HSH2D: variants seen among roughly 807,000 people sequenced by gnomAD.
HSH2D encodes the protein hematopoietic SH2 domain-containing protein.
HSH2D carries 16 observed loss-of-function variants against 21.5 expected under a neutral mutation model. The ratio of observed to expected loss-of-function variants is 0.74; its 90% CI spans 0.50 to 1.13. The LOEUF (loss-of-function observed/expected upper bound fraction) is 1.13, where lower values mean the gene tolerates loss of function less well. Ranked by LOEUF, HSH2D falls within the 50% of genes most tolerant of loss-of-function variation. The pLI is 0.00. For synonymous variants in HSH2D, 172 were observed against 184.7 expected, an observed-to-expected ratio of 0.93 and a Z score of 0.56; for missense variants, 418 against 441.4, an observed-to-expected ratio of 0.95 and a Z score of 0.47.
chr19:16,145,495 G>C (rs773671509), intron 1 of HSH2D, among the ~76,000 whole-genome samples: 8 of 152,168 alleles, frequency 5.3e-5, no homozygotes, highest in Non-Finnish European at 8.8e-5. Flanking sequence ...TTACAGGTGT[G>C]AGCTACTGCA....
At chr19:16,148,956 A>G in intron 2 of HSH2D, 81 bp downstream of exon 2, 1 of 1,442,134 alleles carries the variant, frequency 6.9e-7, no homozygotes, top group Non-Finnish European at 9.4e-7. Flanking sequence ...TTTTAACTGC[A>G]GAATTCTGGA....
At chr19:16,152,175 T>A (rs531423602) in intron 2 of HSH2D, among the ~76,000 whole-genome samples, 1 of 148,172 alleles carries the variant, frequency 6.7e-6, no homozygotes, top group African/African-American at 2.5e-5. Context: ...CCCAGCACTT[T>A]GGGAGGCCGA....
chr19:16,151,989 C>G (rs1448692883), intron 2 of HSH2D, among the ~76,000 whole-genome samples: 2 of 149,990 alleles, frequency 1.3e-5, no homozygotes, highest in Admixed American at 6.7e-5. Flanking sequence ...CGCCTGTAAT[C>G]CCCGCTACTC....
Position 16,152,587 on chromosome 19 carries a change from G to T in HSH2D, c.161G>T (p.Gly54Val). Residue 54 changes from glycine to valine, a missense_variant, in exon 3 of 6, where the codon GGA becomes GTA. By Grantham distance (109) the Gly-to-Val change is moderately radical (BLOSUM62 -3). Transcript: ENST00000613986. ...AACTTGCTGGAGTCACAGCCACTGG[G>T]ATCCTTTCTCATCAGGGTCAGTCAC... Reference protein sequence around the residue: ...AENLLESQPLGSFLIRVSHSH... With the variant: ...AENLLESQPLVSFLIRVSHSH... 1 of 1,510,796 alleles carries T rather than the reference G, an allele frequency of 6.6e-7. No individual in the cohort carries two copies. The allele number at this position is 1,510,796 out of a possible 1,614,324, so 93.6% of individuals were successfully genotyped here. A position where few individuals can be genotyped will look rare whatever the true frequency, so the allele number is the denominator to read the frequency against.
Position 16,157,865 on chromosome 19 carries a change from T to G in HSH2D, c.*71T>G. 7.9e-6 allele frequency: 9 copies of G among 1,145,458 alleles called. No individual in the cohort carries two copies. Among genetic ancestry groups the G allele is most frequent in the Non-Finnish European group, 1.1e-5 (9 of 826,934 alleles). 71.0% of individuals were successfully genotyped at this position (1,145,458 alleles called of 1,614,324 possible). A position where few individuals can be genotyped will look rare whatever the true frequency, so the allele number is the denominator to read the frequency against. On this transcript the variant is annotated 3_prime_UTR_variant, in exon 6 of 6. Transcript: ENST00000613986. The surrounding 1 kb of genome is among the most constrained non-coding windows in gnomAD (Gnocchi z 4.4). The stretch of plus-strand genomic sequence containing the variant: ...ACACTCCTGAATGCCTTAACATTTC[T>G]TCCATGGCCCCACACCATGGCATCC...
Position 16,157,318 on chromosome 19 carries a change from C to G in HSH2D, c.583C>G (p.Pro195Ala). Residue 195 changes from proline (P) to alanine (A), a missense_variant, in exon 6 of 6, where the codon CCT (proline) becomes GCT (alanine). Transcript: ENST00000613986. The surrounding 1 kb of genome is among the most constrained non-coding windows in gnomAD (Gnocchi z 4.4). The stretch of plus-strand genomic sequence containing the variant: ...CACTTCCTCCTGCCCCCCAAAATCC[C>G]CTCTTGGAGAGACCCGCCAGAAACT... ...EATSSCPPKS[P>A]LGETRQKLWR... is the part of the protein sequence containing the mutation. 1 of 1,613,318 alleles carries G rather than the reference C, an allele frequency of 6.2e-7. No individual in the cohort carries two copies. The highest frequency in any genetic ancestry group is 8.5e-7 in the Non-Finnish European group (1 of 1,179,684).
At chr19:16,154,601 A>G in intron 5 of HSH2D, 110 bp downstream of exon 5, 1 of 621,348 alleles carries the variant, frequency 1.6e-6, no homozygotes, top group East Asian at 2.9e-5. Context: ...GCGATCCTAC[A>G]GCTTGGTGCT....
intron 2 of HSH2D, 40 bp downstream of exon 2, chr19:16,148,915 C>CCTGT (rs754023020): frequency 6.4e-7 from 1 of 1,573,128 alleles, no homozygotes; most frequent in South Asian, 1.2e-5. Context: ...CCCTCCCCAC[C>CCTGT]CTGTCCTTGT....
Position 16,148,816 on chromosome 19 carries a change from G to C in HSH2D, c.66G>C (p.Gln22His). 2 of 1,613,802 alleles carry C rather than the reference G, an allele frequency of 1.2e-6. No individual in the cohort carries two copies. Among genetic ancestry groups the C allele is most frequent in the Non-Finnish European group, 1.7e-6 (2 of 1,179,818 alleles). ...PPRLDWFVHT[Q>H]MGQLAQDGVP... ...GGCTGGACTGGTTTGTGCACACCCA[G>C]ATGGGCCAGCTGGCCCAAGACGGGG... Residue 22 changes from glutamine to histidine, a missense_variant, in exon 2 of 6, where the codon CAG becomes CAC. Physicochemically the swap from Gln to His is conservative, Grantham distance 24. Coordinates refer to ENST00000613986, the MANE Select transcript of HSH2D (RefSeq NM_001382417.1).
chr19:16,136,259 CG>C (rs2090963400), intron 1 of HSH2D, among the ~76,000 whole-genome samples: 1 of 152,176 alleles, frequency 6.6e-6, no homozygotes, highest in African/African-American at 2.4e-5. Context: ...TTTCTTTCCA[CG>C]AAACTTTGCA....
At chr19:16,151,089 C>T (rs536001524) in intron 2 of HSH2D, among the ~76,000 whole-genome samples, 78 of 151,902 alleles carry the variant, frequency 5.1e-4, no homozygotes, top group Non-Finnish European at 5.9e-4. Flanking sequence ...TTTGGGAGGC[C>T]GAGGCGGGCG....
At chr19:16,145,028 T>A (rs2091047832) in intron 1 of HSH2D, among the ~76,000 whole-genome samples, 1 of 144,236 alleles carries the variant, frequency 6.9e-6, no homozygotes, top group South Asian at 2.1e-4. Context: ...GATGGGTTTT[T>A]TTTTTGGGGT....
Position 16,145,033 on chromosome 19 carries a change from T to TG in HSH2D, c.-28+1263dup, listed in dbSNP as rs200686905. 1.3e-3 allele frequency among the ~76,000 whole-genome samples: 177 copies of TG among 131,944 alleles called. 2 individuals carry two copies. The highest frequency in any genetic ancestry group is 4.0e-3 in the African/African-American group (131 of 32,896). The allele number at this position is 131,944 out of a possible 152,430, so 86.6% of individuals were successfully genotyped here. A position where few individuals can be genotyped will look rare whatever the true frequency, so the allele number is the denominator to read the frequency against. ...TGTTGGTGGTGATGGGTTTTTTTTTTGGGGTTTTTTTTTTTTTTTTTGTGA... is the reference window on the plus strand; with the variant it reads ...TGTTGGTGGTGATGGGTTTTTTTTTTGGGGGTTTTTTTTTTTTTTTTTGTGA... On this transcript the variant is annotated intron_variant, in intron 1 of 5. Coordinates refer to ENST00000613986, the MANE Select transcript of HSH2D (RefSeq NM_001382417.1).
At position 16,148,872 on chromosome 19, in the gene HSH2D, G is replaced by T; in HGVS notation, c.122G>T (p.Arg41Ile). 6.2e-7 allele frequency: 1 copy of T among 1,611,908 alleles called. No homozygotes were observed. The highest frequency in any genetic ancestry group is 8.5e-7 in the Non-Finnish European group (1 of 1,178,814). ...VPEWFHGAISREDAENLLESQ... is the reference protein window; with the variant it reads ...VPEWFHGAISIEDAENLLESQ... Reference sequence around the variant, plus strand: ...GAGTGGTTCCATGGTGCAATCTCAAGAGAGTGAGGACACACCCACACCCTC... The same window carrying T: ...GAGTGGTTCCATGGTGCAATCTCAATAGAGTGAGGACACACCCACACCCTC... Residue 41 changes from arginine to isoleucine, a missense_variant, in exon 2 of 6, where the codon AGA becomes ATA. Coordinates refer to ENST00000613986, the MANE Select transcript of HSH2D (RefSeq NM_001382417.1).
At chr19:16,152,792 G>C (rs2091176730) in intron 3 of HSH2D, 151 bp downstream of exon 3, 1 of 766,488 alleles carries the variant, frequency 1.3e-6, no homozygotes, top group East Asian at 2.7e-5. Context: ...CAAGCAATGA[G>C]TGAAGCTTTT....
At chr19:16,144,353 G>T (rs557464367) in intron 1 of HSH2D, among the ~76,000 whole-genome samples, 1 of 151,994 alleles carries the variant, frequency 6.6e-6, no homozygotes, top group South Asian at 2.1e-4. Context: ...GTGCCAGGGT[G>T]TTGTCTGGGG....
intron 1 of HSH2D, among the ~76,000 whole-genome samples, chr19:16,145,037 G>GTTT (rs34993884): frequency 7.5e-5 from 9 of 119,434 alleles, no homozygotes; most frequent in Non-Finnish European, 1.0e-4. Context: ...TTTTTTTGGG[G>GTTT]TTTTTTTTTT....
chr19:16,142,610 T>C (rs1461845740), upstream of HSH2D, among the ~76,000 whole-genome samples: 13 of 151,524 alleles, frequency 8.6e-5, no homozygotes, highest in Non-Finnish European at 4.4e-5. Context: ...ATTACAGGCA[T>C]GTGTCACCAC....
At position 16,152,633 on chromosome 19, in the gene HSH2D, C is replaced by A; in HGVS notation, c.207C>A (p.Leu69=). The change falls in exon 3 of 6, where the codon CTC becomes CTA. Residue 69 remains leucine (L), a synonymous_variant. Transcript: ENST00000613986. ...GTCACAGCCATGTGGGCTACACACT[C>A]TCCTACAAGTAAGGCCTGGGCCGGG... ...RVSHSHVGYT[L]SYKAQSSCCH... 6.5e-7 allele frequency: 1 copy of A among 1,539,730 alleles called. No homozygotes were observed. The highest frequency in any genetic ancestry group is 2.3e-5 in the East Asian group (1 of 44,040).
Sources: allele counts gnomAD v4.1 joint callset (sites outside exome capture counted in the v4.1 genomes callset), GRCh38; gene constraint gnomAD v4.1.1; non-coding constraint Gnocchi (gnomAD v3.1); transcripts MANE v1.5; gene names NCBI Gene and HGNC (gene_info 2026-07-23, HGNC 2026-07-21).